Variants in CAST observed in about 807,000 individuals in gnomAD.
The protein encoded by CAST is MIR583 host.
Under a neutral mutation model 119.6 loss-of-function variants are expected in CAST, and 76 were observed. The observed-to-expected ratio is 0.64, with a 90% CI of 0.53 to 0.77. CAST has a LOEUF of 0.77. Among genes scored for constraint, CAST ranks in the 30% least tolerant of loss-of-function variants. The pLI is 0.00. For missense variants in CAST, 953 were observed against 946.5 expected, an observed-to-expected ratio of 1.01 and a Z score of -0.09; for synonymous variants, 319 against 331.6, an observed-to-expected ratio of 0.96 and a Z score of 0.41.
the CAST span, among the ~76,000 whole-genome samples, chr5:96,440,083 A>G: frequency 6.6e-6 from 1 of 152,186 alleles, no homozygotes; most frequent in Non-Finnish European, 1.5e-5. Context: ...TTCTCTTTAT[A>G]AACTAGAAAA....
At chr5:96,452,956 C>CAAAAA in the CAST span, among the ~76,000 whole-genome samples, 1,225 of 61,630 alleles carry the variant, frequency 0.02, 98 homozygotes, top group Non-Finnish European at 0.025. Context: ...GACTCCGTCT[C>CAAAAA]AAAAAAAAAA....
the CAST span, among the ~76,000 whole-genome samples, chr5:96,291,151 G>A: frequency 6.6e-6 from 1 of 152,190 alleles, no homozygotes; most frequent in African/African-American, 2.4e-5. Flanking sequence ...TGTAGTCTCA[G>A]CTGAAATCTT....
the CAST span, among the ~76,000 whole-genome samples, chr5:96,338,009 T>C: frequency 6.6e-6 from 1 of 152,206 alleles, no homozygotes; most frequent in Non-Finnish European, 1.5e-5. Context: ...TATCCAGCAT[T>C]CCTTGCTGGA....
the CAST span, among the ~76,000 whole-genome samples, chr5:96,233,834 A>G: frequency 6.6e-6 from 1 of 152,184 alleles, no homozygotes; most frequent in East Asian, 1.9e-4. Flanking sequence ...GAAACCTTAT[A>G]TCTTCGTGTA....
At chr5:96,033,781 A>T in the CAST span, among the ~76,000 whole-genome samples, 1 of 152,180 alleles carries the variant, frequency 6.6e-6, no homozygotes, top group Admixed American at 6.6e-5. Flanking sequence ...CATCAGCAAC[A>T]AAAGTGAAAA....
the CAST span, among the ~76,000 whole-genome samples, chr5:96,198,573 T>A: frequency 6.6e-6 from 1 of 152,190 alleles, no homozygotes; most frequent in Non-Finnish European, 1.5e-5. Flanking sequence ...ATAGGTATCC[T>A]CTTGGTCACA....
the CAST span, among the ~76,000 whole-genome samples, chr5:96,201,671 T>C: frequency 2.0e-5 from 3 of 152,058 alleles, no homozygotes; most frequent in Non-Finnish European, 4.4e-5. Context: ...AGTTAATACA[T>C]GGATCTGGGT....
the CAST span, among the ~76,000 whole-genome samples, chr5:96,403,786 T>C: frequency 2.0e-3 from 305 of 152,350 alleles, no homozygotes; most frequent in African/African-American, 7.1e-3. Flanking sequence ...AAAATTTTTC[T>C]AACTTGGACT....
the CAST span, among the ~76,000 whole-genome samples, chr5:96,214,176 G>A: frequency 6.6e-6 from 1 of 152,246 alleles, no homozygotes; most frequent in East Asian, 1.9e-4. Context: ...CATTTAAGGA[G>A]CAGAATGGAG....
At chr5:96,586,784 T>C (rs1264498949) in intron 1 of CAST, among the ~76,000 whole-genome samples, 1 of 152,208 alleles carries the variant, frequency 6.6e-6, no homozygotes, top group Non-Finnish European at 1.5e-5. Flanking sequence ...AACCACAGAT[T>C]AATTCACAAA....
the CAST span, among the ~76,000 whole-genome samples, chr5:96,206,318 CTTG>C: frequency 6.6e-6 from 1 of 151,908 alleles, no homozygotes; most frequent in African/African-American, 2.4e-5. Flanking sequence ...TTAGGTCCCG[CTTG>C]TCAATTTTTG....
At chr5:96,669,094 G>C (rs1287695824) in intron 1 of CAST, among the ~76,000 whole-genome samples, 1 of 152,202 alleles carries the variant, frequency 6.6e-6, no homozygotes, top group East Asian at 1.9e-4. Context: ...AGCCAGCAAA[G>C]TTCCACTACA....
chr5:96,066,012 A>T, the CAST span, among the ~76,000 whole-genome samples: 12 of 152,206 alleles, frequency 7.9e-5, no homozygotes, highest in African/African-American at 2.7e-4. Flanking sequence ...GGAAGAGAAC[A>T]GACTAGAACA....
chr5:96,754,778 T>C (rs1765917871), intron 22 of CAST, 37 bp downstream of exon 22: 1 of 1,169,960 alleles, frequency 8.5e-7, no homozygotes, highest in African/African-American at 1.5e-5. Flanking sequence ...TTTATTTTAA[T>C]TCATACTGAA....
chr5:96,577,916 T>A (rs1196327885), intron 1 of CAST, among the ~76,000 whole-genome samples: 5 of 152,158 alleles, frequency 3.3e-5, no homozygotes, highest in Non-Finnish European at 7.4e-5. Context: ...ATATATATAT[T>A]TTTTGACATT....
At chr5:96,472,494 TGAATAAATG>T in the CAST span, among the ~76,000 whole-genome samples, 2 of 152,164 alleles carry the variant, frequency 1.3e-5, no homozygotes, top group South Asian at 4.1e-4. Flanking sequence ...AAATAATTGT[TGAATAAATG>T]GAATAAATGA....
chr5:96,234,858 A>G, the CAST span, among the ~76,000 whole-genome samples: 3 of 152,046 alleles, frequency 2.0e-5, no homozygotes, highest in Non-Finnish European at 4.4e-5. Context: ...GCTTTATTGA[A>G]GTATAATTTA....
intron 2 of CAST, among the ~76,000 whole-genome samples, chr5:96,683,528 T>C (rs560391643): frequency 6.6e-6 from 1 of 152,324 alleles, no homozygotes; most frequent in East Asian, 1.9e-4. Context: ...CTCTGTTCTG[T>C]GTATCATTCA....
At chr5:96,197,491 G>C in the CAST span, among the ~76,000 whole-genome samples, 1 of 152,184 alleles carries the variant, frequency 6.6e-6, no homozygotes, top group Non-Finnish European at 1.5e-5. Context: ...AAGTGGGGAA[G>C]TCATTCTCCT....
Sources: gnomAD v4.1 joint callset for allele counts (sites outside exome capture counted in the v4.1 genomes callset) on GRCh38, gnomAD v4.1.1 for gene constraint, MANE v1.5 for transcripts, NCBI Gene and HGNC (gene_info 2026-07-23, HGNC 2026-07-21) for gene names.